CADPS: variants seen among roughly 807,000 people sequenced by gnomAD.
CADPS encodes calcium-dependent secretion activator 1.
Under a neutral mutation model 167.3 loss-of-function variants are expected in CADPS, and 57 were observed. That is an observed-to-expected ratio of 0.34 (90% confidence interval 0.28 to 0.42). CADPS has a LOEUF of 0.42. CADPS is among the 20% of genes least tolerant of loss of function. CADPS has a pLI of 1.00. For missense variants in CADPS, 1,414 were observed against 1,738.1 expected, an observed-to-expected ratio of 0.81 and a Z score of 3.32; for synonymous variants, 676 against 635.3, an observed-to-expected ratio of 1.06 and a Z score of -0.96.
Position 62,693,138 on chromosome 3 carries a change from C to T in CADPS, c.889-30744G>A, listed in dbSNP as rs942520452. Among the ~76,000 whole-genome samples, 4 of 152,056 alleles carry T rather than the reference C, an allele frequency of 2.6e-5. No homozygotes were observed. The East Asian group carries it at 7.7e-4, about 29-fold the overall frequency. ...AATTTCCACTCAAGTTCCTGCCCCT[C>T]CCTTCAGGCCTCTGCTTCAGTCCAC... On this transcript the variant is annotated intron_variant, in intron 3 of 29. Coordinates refer to ENST00000383710, the MANE Select transcript of CADPS (RefSeq NM_003716.4).
intron 26 of CADPS, among the ~76,000 whole-genome samples, chr3:62,453,662 C>T (rs527766870): frequency 2.0e-5 from 3 of 152,312 alleles, no homozygotes; most frequent in Admixed American, 2.0e-4. Context: ...AGCAGTTGAG[C>T]AAACCTCAGT....
chr3:62,812,845 C>G (rs2094450233), intron 1 of CADPS, among the ~76,000 whole-genome samples: 1 of 152,130 alleles, frequency 6.6e-6, no homozygotes, highest in African/African-American at 2.4e-5. Flanking sequence ...GTGTAAGACC[C>G]TTTTAGTTAG....
rs568470921 is a variant in CADPS at position 62,662,576 on chromosome 3, G to A, written c.889-182C>T. Among the ~76,000 whole-genome samples the A allele has an allele frequency of 3.3e-5, 5 of 152,286 alleles. No homozygotes were observed. In the South Asian group the frequency reaches 6.2e-4, roughly 19 times the overall value. ...CCAAGTTAATTCTTCTAGACAGAGC[G>A]TGATATGGTAGGCAGCTGCTAAGAC... On this transcript the variant is annotated intron_variant, in intron 3 of 29. Transcript: ENST00000383710.
intron 1 of CADPS, among the ~76,000 whole-genome samples, chr3:62,784,554 G>T (rs2092195002): frequency 6.6e-6 from 1 of 152,128 alleles, no homozygotes; most frequent in African/African-American, 2.4e-5. Context: ...TGTGTCTACT[G>T]ATGGAAGTAC....
At position 62,585,316 on chromosome 3, in the gene CADPS, G is replaced by C; in HGVS notation, c.1446C>G (p.Leu482=). The C allele has an allele frequency of 6.2e-7, 1 of 1,606,744 alleles. No homozygotes were observed. Among genetic ancestry groups the C allele is most frequent in the Non-Finnish European group, 8.5e-7 (1 of 1,176,928 alleles). ...LEDKELGRVI[L]HPTPNSPKQS... is the part of the protein sequence containing the mutation. ...GTTTGGGGCTGTTCGGGGTGGGATG[G>C]AGAATAACCTGTAGGGGAAAAAGGA... Residue 482 remains leucine (L), a synonymous_variant, in exon 8 of 30, where the codon CTC becomes CTG. Coordinates refer to ENST00000383710, the MANE Select transcript of CADPS (RefSeq NM_003716.4).
At position 62,601,405 on chromosome 3, in the gene CADPS, C is replaced by A. The variant is rs917484714; in HGVS notation, c.1326-8657G>T. Among the ~76,000 whole-genome samples, 5 of 152,132 alleles carry A rather than the reference C, an allele frequency of 3.3e-5. No individual in the cohort carries two copies. Among genetic ancestry groups the A allele is most frequent in the African/African-American group, 1.2e-4 (5 of 41,426 alleles). On this transcript the variant is annotated intron_variant, in intron 6 of 29. Coordinates refer to ENST00000383710, the MANE Select transcript of CADPS (RefSeq NM_003716.4). The surrounding 1 kb of genome is among the most constrained non-coding windows in gnomAD (Gnocchi z 4.3). ...TCTGGTCCTTTATAGAAAAAGTTTG[C>A]CGATCTCTGTTACAAACAGTTAAAT... is the stretch of plus-strand genomic sequence containing the variant.
At chr3:62,840,492 T>G (rs922041592) in intron 1 of CADPS, among the ~76,000 whole-genome samples, 10 of 152,170 alleles carry the variant, frequency 6.6e-5, no homozygotes, top group African/African-American at 2.2e-4. Flanking sequence ...TTTTTTGAAC[T>G]GACATATGTC....
intron 11 of CADPS, among the ~76,000 whole-genome samples, chr3:62,548,065 C>A (rs1158577004): frequency 6.6e-6 from 1 of 151,960 alleles, no homozygotes; most frequent in Admixed American, 6.6e-5. Context: ...GAGATACATG[C>A]TTTATGAGGT....
At chr3:62,565,558 TG>T (rs1271440992) in intron 9 of CADPS, among the ~76,000 whole-genome samples, 1 of 152,132 alleles carries the variant, frequency 6.6e-6, no homozygotes, top group East Asian at 1.9e-4. Context: ...GATGGCACCT[TG>T]GGGTCTGCAT....
chr3:62,750,353 CAAAAAA>C (rs56069272), intron 3 of CADPS, among the ~76,000 whole-genome samples: 1 of 44,890 alleles, frequency 2.2e-5, no homozygotes, highest in Non-Finnish European at 3.8e-5. Flanking sequence ...TCTTAAGCTC[CAAAAAA>C]AAAAAAAAAA....
intron 1 of CADPS, among the ~76,000 whole-genome samples, chr3:62,848,029 G>A (rs2077814465): frequency 8.4e-6 from 1 of 119,130 alleles, no homozygotes; most frequent in Non-Finnish European, 1.7e-5. Context: ...CTGATGGCCA[G>A]TGATGATGAG....
At chr3:62,599,503 T>C (rs1253965783) in intron 6 of CADPS, among the ~76,000 whole-genome samples, 4 of 115,098 alleles carry the variant, frequency 3.5e-5, no homozygotes, top group Non-Finnish European at 6.6e-5. Context: ...ATATATTTTA[T>C]ATATATTATA....
chr3:62,629,924 C>G (rs974119772), intron 6 of CADPS, among the ~76,000 whole-genome samples: 1 of 152,140 alleles, frequency 6.6e-6, no homozygotes, highest in African/African-American at 2.4e-5. Context: ...AATAGCTCCT[C>G]TATAAGGAGG....
At chr3:62,638,901 C>T (rs1188752192) in intron 6 of CADPS, among the ~76,000 whole-genome samples, 1 of 152,136 alleles carries the variant, frequency 6.6e-6, no homozygotes, top group Admixed American at 6.6e-5. Flanking sequence ...AGCTTGGTGG[C>T]TTACATAACA....
chr3:62,435,118 T>C (rs2054730297), intron 28 of CADPS, among the ~76,000 whole-genome samples: 1 of 152,208 alleles, frequency 6.6e-6, no homozygotes, highest in Non-Finnish European at 1.5e-5. Flanking sequence ...AATGCAACGA[T>C]TTGGAAGAAA....
chr3:62,502,763 T>C (rs1368813585), intron 17 of CADPS, among the ~76,000 whole-genome samples: 1 of 152,098 alleles, frequency 6.6e-6, no homozygotes, highest in Non-Finnish European at 1.5e-5. Context: ...GGCCTAGGCA[T>C]GCCTTTGAGC....
chr3:62,475,676 G>A (rs951630175), intron 23 of CADPS, among the ~76,000 whole-genome samples: 2 of 142,876 alleles, frequency 1.4e-5, no homozygotes, highest in African/African-American at 2.6e-5. Context: ...AAAGATAAAT[G>A]TATCTTGGCT....
intron 26 of CADPS, among the ~76,000 whole-genome samples, chr3:62,451,737 ACAC>A (rs965857315): frequency 2.3e-4 from 35 of 152,160 alleles, no homozygotes; most frequent in African/African-American, 8.4e-4. Flanking sequence ...ACTGCAGACC[ACAC>A]CACCACGTCA....
At chr3:62,418,582 C>T (rs1463328165) in intron 28 of CADPS, among the ~76,000 whole-genome samples, 2 of 148,818 alleles carry the variant, frequency 1.3e-5, no homozygotes, top group Non-Finnish European at 3.0e-5. Flanking sequence ...CTCAAGTGAT[C>T]CACCAGCCTC....
Sources: gnomAD v4.1 joint callset for allele counts (sites outside exome capture counted in the v4.1 genomes callset) on GRCh38, gnomAD v4.1.1 for gene constraint, Gnocchi (gnomAD v3.1) non-coding constraint, MANE v1.5 for transcripts, NCBI Gene and HGNC (gene_info 2026-07-23, HGNC 2026-07-21) for gene names.